KAZN: variants seen among roughly 807,000 people sequenced by gnomAD.
The protein encoded by KAZN is kazrin, periplakin interacting protein.
In KAZN, 40 loss-of-function variants were observed where a neutral mutation model predicts 87.4. The ratio of observed to expected loss-of-function variants is 0.46; its 90% CI spans 0.36 to 0.60. KAZN has a LOEUF of 0.60. Among genes scored for constraint, KAZN ranks in the 20% least tolerant of loss-of-function variants. KAZN has a pLI of 0.00. For synonymous variants in KAZN, 466 were observed against 458.3 expected (o/e 1.02, Z -0.22); for missense variants, 898 against 1,073.9 (o/e 0.84, Z 2.29).
At chr1:15,084,440 T>A (rs1232064248) in intron 8 of KAZN, among the ~76,000 whole-genome samples, 1 of 152,214 alleles carries the variant, frequency 6.6e-6, no homozygotes, top group Non-Finnish European at 1.5e-5. Context: ...AACATACTTT[T>A]TAATGCATTC....
chr1:14,934,161 T>C (rs1026337686), intron 1 of KAZN, among the ~76,000 whole-genome samples: 1 of 150,916 alleles, frequency 6.6e-6, no homozygotes, highest in African/African-American at 2.4e-5. Flanking sequence ...AGCCAGGATG[T>C]ACCTTTTTAA....
intron 2 of KAZN, among the ~76,000 whole-genome samples, chr1:14,410,144 C>T (rs971716397): frequency 1.3e-5 from 2 of 152,200 alleles, no homozygotes; most frequent in African/African-American, 4.8e-5. Context: ...TGCTCTGTCA[C>T]CAGAGCTGGA....
In KAZN at chr1:14,382,259, G is replaced by A. The variant is rs2101052326; in HGVS notation, c.249+201667G>A. Among the ~76,000 whole-genome samples, 3 of 152,264 alleles carry A rather than the reference G, an allele frequency of 2.0e-5. No individual in the cohort carries two copies. The South Asian group carries it at 6.2e-4, about 32-fold the overall frequency. On this transcript the variant is annotated intron_variant, in intron 2 of 16. Coordinates refer to the KAZN transcript ENST00000636203. ...ACCCAATGCAATCTACAGATTTAAT[G>A]CAGTCCCTATCAAAATAACAATATC...
intron 2 of KAZN, among the ~76,000 whole-genome samples, chr1:14,470,452 T>C (rs1668393781): frequency 6.6e-6 from 1 of 152,186 alleles, no homozygotes; most frequent in African/African-American, 2.4e-5. Context: ...AGAAAGGTTA[T>C]GCCAAATCCA....
intron 1 of KAZN, among the ~76,000 whole-genome samples, chr1:14,002,570 G>A (rs1048068082): frequency 2.6e-5 from 4 of 152,104 alleles, no homozygotes; most frequent in Admixed American, 6.5e-5. Flanking sequence ...TTTTGTTCCC[G>A]GTTTTGGGTG....
chr1:15,114,717 G>A lies in KAZN; in HGVS notation c.*82G>A. ...GATGGCCCCAGGTGTCGTTCTCACT[G>A]TACATAGCGGCCGCAGGCTGAGGAT... On this transcript the variant is annotated 3_prime_UTR_variant, in exon 15 of 15. Coordinates refer to ENST00000376030, the MANE Select transcript of KAZN (RefSeq NM_201628.3). The A allele has an allele frequency of 7.3e-7, 1 of 1,373,826 alleles. No homozygotes were observed. The highest frequency in any genetic ancestry group is 9.8e-7 in the Non-Finnish European group (1 of 1,015,444). The allele number at this position is 1,373,826 out of a possible 1,614,324, so 85.1% of individuals were successfully genotyped here.
chr1:14,505,739 C>T (rs1320404471), intron 2 of KAZN, among the ~76,000 whole-genome samples: 1 of 152,090 alleles, frequency 6.6e-6, no homozygotes. Context: ...TTTGGGAGGC[C>T]GAGGTGGGTG....
chr1:15,100,580 G>A (rs1340214534), intron 10 of KAZN, among the ~76,000 whole-genome samples: 3 of 152,326 alleles, frequency 2.0e-5, no homozygotes, highest in Non-Finnish European at 4.4e-5. Flanking sequence ...TGACAGCCAG[G>A]CACAGTCACA....
intron 8 of KAZN, among the ~76,000 whole-genome samples, chr1:15,074,949 C>T (rs560269094): frequency 6.6e-6 from 1 of 152,324 alleles, no homozygotes; most frequent in South Asian, 2.1e-4. Flanking sequence ...GTGATGATGA[C>T]AATGGCAATG....
At chr1:14,240,089 A>G (rs1214456861) in intron 2 of KAZN, among the ~76,000 whole-genome samples, 1 of 152,170 alleles carries the variant, frequency 6.6e-6, no homozygotes, top group Non-Finnish European at 1.5e-5. Flanking sequence ...CCTTAGCTTG[A>G]TGAAATTTAG....
At chr1:14,415,213 G>T (rs941104272) in intron 2 of KAZN, among the ~76,000 whole-genome samples, 1 of 152,168 alleles carries the variant, frequency 6.6e-6, no homozygotes, top group African/African-American at 2.4e-5. Context: ...TTGTCTGCCT[G>T]AAATATTTCA....
chr1:14,268,235 G>T (rs1264809853), intron 2 of KAZN, among the ~76,000 whole-genome samples: 1 of 152,216 alleles, frequency 6.6e-6, no homozygotes, highest in Non-Finnish European at 1.5e-5. Context: ...TATTTGCACA[G>T]TGCCTGGTAC....
chr1:14,654,519 G>A (rs775397063), intron 1 of KAZN, among the ~76,000 whole-genome samples: 6 of 151,826 alleles, frequency 4.0e-5, no homozygotes, highest in South Asian at 2.1e-4. Context: ...AATAGCCCCC[G>A]CTTTAAGACT....
intron 2 of KAZN, among the ~76,000 whole-genome samples, chr1:14,308,110 T>G (rs1443418622): frequency 6.6e-6 from 1 of 152,200 alleles, no homozygotes; most frequent in Non-Finnish European, 1.5e-5. Flanking sequence ...ACAAAGGAAT[T>G]GCTCCAGATT....
intron 2 of KAZN, among the ~76,000 whole-genome samples, chr1:14,207,074 C>A (rs2100433980): frequency 6.6e-6 from 1 of 151,934 alleles, no homozygotes; most frequent in Middle Eastern, 3.4e-3. Flanking sequence ...AGTGATTCTC[C>A]TGCCTCAGCC....
chr1:14,271,166 CTATCTTCCTCTTATGAGGACACCAGCCA>C (rs1651893436), intron 2 of KAZN, among the ~76,000 whole-genome samples: 1 of 152,188 alleles, frequency 6.6e-6, no homozygotes, highest in Non-Finnish European at 1.5e-5. Flanking sequence ...TGTCTGTGTC[CTATCTTCCTCTTATGAGGACACCAGCCA>C]TATTGGATTA....
At chr1:13,900,114 T>C (rs1182861366) in intron 1 of KAZN, among the ~76,000 whole-genome samples, 13 of 152,046 alleles carry the variant, frequency 8.6e-5, no homozygotes, top group Admixed American at 7.9e-4. Flanking sequence ...TGCGGTTATG[T>C]TCATTCTCTT....
At chr1:14,662,944 A>AAT (rs3085966) in intron 1 of KAZN, among the ~76,000 whole-genome samples, 6,534 of 142,788 alleles carry the variant, frequency 0.046, 274 homozygotes, top group African/African-American at 0.091. Flanking sequence ...TATATATGTA[A>AAT]ATATATATAT....
intron 1 of KAZN, among the ~76,000 whole-genome samples, chr1:14,698,341 G>T (rs1332656069): frequency 6.6e-6 from 1 of 152,148 alleles, no homozygotes; most frequent in Non-Finnish European, 1.5e-5. Flanking sequence ...GTGGGATGGG[G>T]GCATCTGCCG....
Sources: gnomAD v4.1 joint callset for allele counts (sites outside exome capture counted in the v4.1 genomes callset) on GRCh38, gnomAD v4.1.1 for gene constraint, MANE v1.5 for transcripts, NCBI Gene and HGNC (gene_info 2026-07-23, HGNC 2026-07-21) for gene names.